The following ARID5B variants were observed in gnomAD, a reference collection of about 807,000 sequenced individuals.
The protein encoded by ARID5B is AT-rich interactive domain-containing protein 5B.
ARID5B carries 13 observed loss-of-function variants against 97.2 expected under a neutral mutation model. The ratio of observed to expected loss-of-function variants is 0.13; its 90% confidence interval spans 0.09 to 0.21. ARID5B has a LOEUF of 0.21. ARID5B is among the 10% of genes least tolerant of loss of function. ARID5B has a pLI of 1.00. For missense variants in ARID5B, 1,210 were observed against 1,465.3 expected, an observed-to-expected ratio of 0.83 and a Z score of 2.84; for synonymous variants, 556 against 570.3, an observed-to-expected ratio of 0.97 and a Z score of 0.36.
intron 2 of ARID5B, among the ~76,000 whole-genome samples, chr10:61,903,934 A>G (rs1242678693): frequency 4.8e-5 from 6 of 126,112 alleles, no homozygotes; most frequent in African/African-American, 1.5e-4. Context: ...TTAAATGTTC[A>G]TATTTCCCGA....
At chr10:61,971,617 A>G (rs1589240532) in intron 3 of ARID5B, among the ~76,000 whole-genome samples, 4 of 152,254 alleles carry the variant, frequency 2.6e-5, no homozygotes, top group African/African-American at 9.6e-5. Flanking sequence ...GTAGAACTGC[A>G]CAATACAGAA....
chr10:62,002,663 T>C (rs1479313442), intron 4 of ARID5B, among the ~76,000 whole-genome samples: 1 of 152,192 alleles, frequency 6.6e-6, no homozygotes, highest in Non-Finnish European at 1.5e-5. Flanking sequence ...GGTTAAAGTG[T>C]TTGTTAAAAT....
intron 4 of ARID5B, among the ~76,000 whole-genome samples, chr10:62,047,151 T>C (rs905387729): frequency 6.6e-6 from 1 of 152,158 alleles, no homozygotes; most frequent in Non-Finnish European, 1.5e-5. Flanking sequence ...AGTAATTTCA[T>C]CTCTGTCTCA....
At chr10:62,001,584 G>C (rs950611357) in intron 4 of ARID5B, among the ~76,000 whole-genome samples, 1 of 152,130 alleles carries the variant, frequency 6.6e-6, no homozygotes. Flanking sequence ...CCCTGGTGCT[G>C]CTACTAGAGA....
At chr10:61,904,465 C>T (rs1027771698) in intron 2 of ARID5B, among the ~76,000 whole-genome samples, 1 of 152,072 alleles carries the variant, frequency 6.6e-6, no homozygotes, top group Non-Finnish European at 1.5e-5. Context: ...TACACGATTT[C>T]TTTTTAATTG....
intron 3 of ARID5B, among the ~76,000 whole-genome samples, chr10:61,946,750 A>G (rs1026482644): frequency 6.6e-6 from 1 of 152,094 alleles, no homozygotes; most frequent in Admixed American, 6.6e-5. Flanking sequence ...GTGAAGCCCC[A>G]TCTCTACTAA....
intron 7 of ARID5B, among the ~76,000 whole-genome samples, chr10:62,067,305 A>G (rs1452054582): frequency 6.6e-6 from 1 of 151,208 alleles, no homozygotes; most frequent in Non-Finnish European, 1.5e-5. Context: ...CTGGTCTTGA[A>G]CTCCCAACCT....
chr10:62,073,324 G>A (rs144969791), intron 8 of ARID5B, among the ~76,000 whole-genome samples: 4 of 152,082 alleles, frequency 2.6e-5, no homozygotes, highest in Non-Finnish European at 5.9e-5. Flanking sequence ...TCCAGTAAAC[G>A]TTTTCATTTT....
At chr10:62,011,396 T>A (rs768798424) in intron 4 of ARID5B, among the ~76,000 whole-genome samples, 1 of 152,202 alleles carries the variant, frequency 6.6e-6, no homozygotes, top group Non-Finnish European at 1.5e-5. Flanking sequence ...GCAAGTACCA[T>A]GCTCTAGAGA....
At chr10:62,035,459 T>C (rs1191088880) in intron 4 of ARID5B, among the ~76,000 whole-genome samples, 6 of 152,198 alleles carry the variant, frequency 3.9e-5, no homozygotes. Flanking sequence ...GGTGCCAGGA[T>C]CAAAGCATGC....
chr10:61,908,358 T>A (rs10821930), intron 2 of ARID5B, among the ~76,000 whole-genome samples: 72,564 of 151,958 alleles, frequency 0.48, 17,505 homozygotes, highest in African/African-American at 0.51. Context: ...GCAATATGAG[T>A]CACAACACAT....
chr10:61,972,712 C>T (rs1838646099), intron 3 of ARID5B, among the ~76,000 whole-genome samples: 1 of 152,108 alleles, frequency 6.6e-6, no homozygotes, highest in African/African-American at 2.4e-5. Flanking sequence ...AAACAGTGCT[C>T]TCAGAGACAT....
intron 9 of ARID5B, among the ~76,000 whole-genome samples, chr10:62,086,691 A>AG (rs1491352305): frequency 4.8e-5 from 4 of 82,654 alleles, no homozygotes; most frequent in African/African-American, 2.5e-4. Context: ...ACTCCATCTC[A>AG]AAAAAAAAAA....
chr10:61,959,565 T>C (rs1383368347), intron 3 of ARID5B, among the ~76,000 whole-genome samples: 1 of 152,188 alleles, frequency 6.6e-6, no homozygotes, highest in East Asian at 1.9e-4. Context: ...GTGGAGATGC[T>C]ACCCCCTGCC....
At chr10:62,011,274 C>T (rs1215953542) in intron 4 of ARID5B, among the ~76,000 whole-genome samples, 1 of 152,196 alleles carries the variant, frequency 6.6e-6, no homozygotes, top group Admixed American at 6.5e-5. Flanking sequence ...AGAAACATGA[C>T]TTTATCAAGG....
intron 4 of ARID5B, among the ~76,000 whole-genome samples, chr10:62,027,475 A>C (rs1839437477): frequency 6.7e-6 from 1 of 148,612 alleles, no homozygotes; most frequent in Non-Finnish European, 1.5e-5. Flanking sequence ...TGCCTGGCTA[A>C]TTTTTTTGTA....
chr10:61,935,104 T>G (rs915752930), intron 2 of ARID5B, among the ~76,000 whole-genome samples: 1 of 151,870 alleles, frequency 6.6e-6, no homozygotes, highest in African/African-American at 2.4e-5. Context: ...AAATGTGACC[T>G]GGAGACACAA....
At chr10:62,034,200 A>T (rs1339139202) in intron 4 of ARID5B, among the ~76,000 whole-genome samples, 2 of 152,234 alleles carry the variant, frequency 1.3e-5, no homozygotes, top group African/African-American at 4.8e-5. Context: ...TATTATTATA[A>T]AATTAGTATA....
At chr10:62,056,783 T>C (rs1839862126) in intron 5 of ARID5B, among the ~76,000 whole-genome samples, 1 of 152,184 alleles carries the variant, frequency 6.6e-6, no homozygotes, top group Non-Finnish European at 1.5e-5. Flanking sequence ...TGGCAATTTC[T>C]GTCAATAAAG....
Sources: gnomAD v4.1 joint callset for allele counts (sites outside exome capture counted in the v4.1 genomes callset) on GRCh38, gnomAD v4.1.1 for gene constraint, MANE v1.5 for transcripts, NCBI Gene and HGNC (gene_info 2026-07-23, HGNC 2026-07-21) for gene names.